Variants in CDC42BPB observed in about 807,000 individuals in gnomAD.
The protein encoded by CDC42BPB is serine/threonine-protein kinase MRCK beta.
In CDC42BPB, 37 loss-of-function variants were observed where a neutral mutation model predicts 214.9. The observed-to-expected ratio is 0.17, with a 90% CI of 0.13 to 0.23. The LOEUF (loss-of-function observed/expected upper bound fraction) is 0.23. Among genes scored for constraint, CDC42BPB ranks in the 10% least tolerant of loss-of-function variants. The pLI is 1.00. For synonymous variants in CDC42BPB, 931 were observed against 884.0 expected, an observed-to-expected ratio of 1.05 and a Z score of -0.94; for missense variants, 1,694 against 2,227.0, an observed-to-expected ratio of 0.76 and a Z score of 4.82.
intron 5 of CDC42BPB, among the ~76,000 whole-genome samples, chr14:102,998,474 G>T (rs1894838517): frequency 1.3e-5 from 2 of 152,158 alleles, no homozygotes; most frequent in Admixed American, 1.3e-4. Flanking sequence ...AAATTATCTT[G>T]TAATAAAAAT....
intron 1 of CDC42BPB, among the ~76,000 whole-genome samples, chr14:103,028,012 C>A (rs1280797071): frequency 6.6e-6 from 1 of 152,178 alleles, no homozygotes; most frequent in Non-Finnish European, 1.5e-5. Context: ...CACCTGTAGT[C>A]CCAGCTGCTT....
At chr14:103,026,934 C>T (rs1476885683) in intron 1 of CDC42BPB, among the ~76,000 whole-genome samples, 1 of 151,468 alleles carries the variant, frequency 6.6e-6, no homozygotes, top group Admixed American at 6.6e-5. Flanking sequence ...AATCACATAT[C>T]TGATAAGGGA....
intron 36 of CDC42BPB, chr14:102,937,226 C>T (rs1053571804): frequency 2.0e-5 from 3 of 152,340 alleles, no homozygotes; most frequent in African/African-American, 7.2e-5. Flanking sequence ...AACTCAGGAG[C>T]GTTCTGTAAA....
At chr14:102,984,736 A>G (rs1436746543) in intron 6 of CDC42BPB, among the ~76,000 whole-genome samples, 1 of 152,066 alleles carries the variant, frequency 6.6e-6, no homozygotes, top group Non-Finnish European at 1.5e-5. Flanking sequence ...ACTGGAGACA[A>G]CAACCACAGG....
intron 21 of CDC42BPB, 143 bp downstream of exon 21, chr14:102,959,488 C>T (rs1892859907): frequency 3.3e-6 from 2 of 614,424 alleles, no homozygotes; most frequent in South Asian, 4.5e-5. Flanking sequence ...GGGTCAATTA[C>T]ACAGTTAGCA....
Position 102,952,560 on chromosome 14 carries a change from G to C in CDC42BPB, c.3110C>G (p.Thr1037Ser). ...QFSIKSFSSP[T>S]QCSHCTSLMV... Reference sequence around the variant, plus strand: ...CAGGGAGGTGCAGTGGCTGCACTGAGTAGGGCTGGAGAAGGACTTGATGCT... The same window carrying C: ...CAGGGAGGTGCAGTGGCTGCACTGACTAGGGCTGGAGAAGGACTTGATGCT... Residue 1037 changes from threonine to serine, a missense_variant, in exon 24 of 37, where the codon ACT becomes AGT. Physicochemically the swap from Thr to Ser is moderately conservative, Grantham distance 58. Coordinates refer to ENST00000361246, the MANE Select transcript of CDC42BPB (RefSeq NM_006035.4). 1 of 1,614,092 alleles carries C rather than the reference G, an allele frequency of 6.2e-7. No individual in the cohort carries two copies. The highest frequency in any genetic ancestry group is 8.5e-7 in the Non-Finnish European group (1 of 1,179,966).
rs1366975530 is a variant in CDC42BPB, at chr14:102,945,802, TCATTCACAGATACTTTTCAAC to T, written c.3749-99_3749-79del. ...TATGGGTTTGAATGCGTGGGTGGGC[TCATTCACAGATACTTTTCAAC>T]CATATGTGGATGAGAATACAGCATT... On this transcript the variant is annotated intron_variant, in intron 28 of 36. Transcript: ENST00000361246. 84 of 1,224,198 alleles carry T rather than the reference TCATTCACAGATACTTTTCAAC, an allele frequency of 6.9e-5. 2 individuals are homozygous for T. The Middle Eastern group carries it at 7.5e-4, about 11-fold the overall frequency. 75.8% of individuals were successfully genotyped at this position (1,224,198 alleles called of 1,614,324 possible). A position where few individuals can be genotyped will look rare whatever the true frequency, so the allele number is the denominator to read the frequency against.
At chr14:102,952,877 AG>A (rs907534002) in intron 23 of CDC42BPB, 1 of 282,688 alleles carries the variant, frequency 3.5e-6, no homozygotes, top group African/African-American at 2.3e-5. Context: ...CAGAGGGCCG[AG>A]GTGGCATGGC....
At chr14:103,018,620 G>A (rs1886597384) in intron 1 of CDC42BPB, among the ~76,000 whole-genome samples, 1 of 152,282 alleles carries the variant, frequency 6.6e-6, no homozygotes, top group Admixed American at 6.5e-5. Context: ...GCAGCTTGAT[G>A]AATGGGGTGC....
rs1566832723 is a variant in CDC42BPB at position 102,932,892 on chromosome 14, A to AGGGGGGGGGGGGGGGGGG, written c.*819_*820insCCCCCCCCCCCCCCCCCC. The stretch of plus-strand genomic sequence containing the variant: ...AGGACTGGTGGGGGGGGGGGCGGGC[A>AGGGGGGGGGGGGGGGGGG]GGGCGGGGCGGGGTGGGGTATCCCA... On this transcript the variant is annotated 3_prime_UTR_variant, in exon 37 of 37. Transcript: ENST00000361246. 2 of 4,456 alleles carry AGGGGGGGGGGGGGGGGGG rather than the reference A, an allele frequency of 4.5e-4. No individual in the cohort carries two copies. Among genetic ancestry groups the AGGGGGGGGGGGGGGGGGG allele is most frequent in the African/African-American group, 8.8e-4 (1 of 1,138 alleles). 0.3% of individuals were successfully genotyped at this position (4,456 alleles called of 1,614,324 possible). A position where few individuals can be genotyped will look rare whatever the true frequency, so the allele number is the denominator to read the frequency against.
chr14:103,047,515 A>G (rs1214818072), intron 1 of CDC42BPB, among the ~76,000 whole-genome samples: 1 of 152,140 alleles, frequency 6.6e-6, no homozygotes, highest in Non-Finnish European at 1.5e-5. Flanking sequence ...CAGTGTAGAC[A>G]GCAATGCCTC....
Position 102,972,086 on chromosome 14 carries a change from C to T in CDC42BPB, c.1717G>A (p.Ala573Thr), listed in dbSNP as rs537535669. ...TTCAGCTCCGAGAACTCCTGCAGGG[C>T]CAGCTTTCGCTGCTGATGGGCATCT... Reference protein sequence around the residue: ...LKDAHQQRKLALQEFSELNER... With the variant: ...LKDAHQQRKLTLQEFSELNER... The change falls in exon 13 of 37, where the codon GCC becomes ACC. Residue 573 changes from alanine to threonine, a missense_variant. This residue lies in a region of CDC42BPB where 462 missense variants were observed against 513.5 expected (regional missense o/e 0.90). Coordinates refer to ENST00000361246, the MANE Select transcript of CDC42BPB (RefSeq NM_006035.4). The T allele has an allele frequency of 3.1e-6, 5 of 1,614,278 alleles. No individual in the cohort carries two copies. The South Asian group carries it at 5.5e-5, about 18-fold the overall frequency.
intron 1 of CDC42BPB, among the ~76,000 whole-genome samples, chr14:103,028,574 C>A (rs1566913210): frequency 2.6e-5 from 4 of 152,232 alleles, no homozygotes. Flanking sequence ...AGCATGGAAG[C>A]CCCTCCCAGG....
chr14:103,057,493 C>T lies in CDC42BPB; in HGVS notation c.-320G>A. The T allele has an allele frequency of 5.5e-6, 1 of 182,882 alleles. No homozygotes were observed. The highest frequency in any genetic ancestry group is 1.0e-5 in the Non-Finnish European group (1 of 98,556). 11.3% of individuals were successfully genotyped at this position (182,882 alleles called of 1,614,324 possible). ...CGCGCCCTCCCCGCCGCCGCCGCCG[C>T]AGACTAGGAGCGGCGAGGAGCCTAG... On this transcript the variant is annotated 5_prime_UTR_variant, in exon 1 of 37. Coordinates refer to ENST00000361246, the MANE Select transcript of CDC42BPB (RefSeq NM_006035.4).
intron 14 of CDC42BPB, 21 bp from the exon 15 acceptor site, chr14:102,968,737 A>C (rs545873259): frequency 6.2e-7 from 1 of 1,611,820 alleles, no homozygotes; most frequent in South Asian, 1.1e-5. Context: ...AGGTTAACAT[A>C]AATTGACAAA....
chr14:102,943,876 A>G lies in CDC42BPB; in HGVS notation c.4408+15T>C, dbSNP rs572426882. The G allele has an allele frequency of 3.0e-5, 47 of 1,579,560 alleles. No homozygotes were observed. Among genetic ancestry groups the G allele is most frequent in the Non-Finnish European group, 3.8e-5 (44 of 1,164,042 alleles). On this transcript the variant is annotated intron_variant, in intron 30 of 36. Transcript: ENST00000361246. This position sits in a 1 kb window ranked among gnomAD's most constrained non-coding sequence, Gnocchi z 4.6. ...AAGCAGCAACAGGGATATGCAACAG[A>G]AAACATATACATACTACAGGCGACA...
intron 1 of CDC42BPB, among the ~76,000 whole-genome samples, chr14:103,018,652 C>T (rs1886599705): frequency 6.6e-6 from 1 of 152,092 alleles, no homozygotes; most frequent in Non-Finnish European, 1.5e-5. Flanking sequence ...GCAGGAGAGG[C>T]CAGGAGAGCA....
intron 29 of CDC42BPB, 106 bp downstream of exon 29, chr14:102,945,556 A>G: frequency 9.8e-7 from 1 of 1,024,770 alleles, no homozygotes; most frequent in Non-Finnish European, 1.5e-6. Flanking sequence ...CGGCGCCTTC[A>G]TCAAGCGCAT....
chr14:103,033,873 C>T (rs894507567), intron 1 of CDC42BPB, among the ~76,000 whole-genome samples: 3 of 152,206 alleles, frequency 2.0e-5, no homozygotes, highest in Admixed American at 1.3e-4. Context: ...AAGTGCATTG[C>T]GGCAGGAAAA....
Sources: gnomAD v4.1 joint callset for allele counts (sites outside exome capture counted in the v4.1 genomes callset) on GRCh38, gnomAD v4.1.1 for gene constraint, gnomAD v4.1.1 regional missense constraint, Gnocchi (gnomAD v3.1) non-coding constraint, MANE v1.5 for transcripts, NCBI Gene and HGNC (gene_info 2026-07-23, HGNC 2026-07-21) for gene names.